DTNA: variants seen among roughly 807,000 people sequenced by gnomAD.
DTNA encodes the protein dystrobrevin alpha.
In DTNA, 43 loss-of-function variants were observed where a neutral mutation model predicts 100.7. That is an observed-to-expected ratio of 0.43 (90% CI 0.33 to 0.55). DTNA has a LOEUF of 0.55. Among genes scored for constraint, DTNA ranks in the 20% least tolerant of loss-of-function variants. DTNA has a pLI of 0.04. For missense variants in DTNA, 798 were observed against 953.9 expected (o/e 0.84, Z 2.15); for synonymous variants, 349 against 347.9 (o/e 1.00, Z -0.04).
intron 1 of DTNA, among the ~76,000 whole-genome samples, chr18:34,687,645 T>C (rs1281864279): frequency 6.6e-6 from 1 of 152,312 alleles, no homozygotes; most frequent in East Asian, 1.9e-4. Context: ...GTTCTGCAGA[T>C]GTCTGTTAGA....
intron 1 of DTNA, among the ~76,000 whole-genome samples, chr18:34,497,677 C>A (rs2039401760): frequency 6.6e-6 from 1 of 150,468 alleles, no homozygotes; most frequent in Non-Finnish European, 1.5e-5. Context: ...CTGATATTTC[C>A]ATTGTTTAAA....
chr18:34,817,316 G>A (rs79338927), intron 7 of DTNA, among the ~76,000 whole-genome samples: 48 of 152,252 alleles, frequency 3.2e-4, no homozygotes, highest in African/African-American at 1.1e-3. Flanking sequence ...TGACTGGTTA[G>A]GCCGGAGAAT....
chr18:34,737,997 T>G (rs2089958155), intron 1 of DTNA: 6 of 152,098 alleles, frequency 3.9e-5, no homozygotes, highest in Admixed American at 3.9e-4. Context: ...TTAGAGAAAT[T>G]CGGAAAAGCT....
chr18:34,660,949 C>G (rs1029867634), intron 1 of DTNA, among the ~76,000 whole-genome samples: 1 of 152,172 alleles, frequency 6.6e-6, no homozygotes, highest in Non-Finnish European at 1.5e-5. Flanking sequence ...GGCACATGTT[C>G]TCAGGAGACA....
chr18:34,619,585 G>T (rs2056045461), intron 1 of DTNA, among the ~76,000 whole-genome samples: 2 of 152,124 alleles, frequency 1.3e-5, no homozygotes, highest in African/African-American at 4.8e-5. Flanking sequence ...AGGAGGAAAA[G>T]ACATATCAAG....
At chr18:34,533,016 C>T (rs973106653) in intron 1 of DTNA, among the ~76,000 whole-genome samples, 5 of 151,742 alleles carry the variant, frequency 3.3e-5, no homozygotes, top group African/African-American at 7.3e-5. Flanking sequence ...CTTATGTTGG[C>T]GAAATAATTT....
intron 1 of DTNA, among the ~76,000 whole-genome samples, chr18:34,495,758 GT>G (rs2039124947): frequency 6.6e-6 from 1 of 152,136 alleles, no homozygotes; most frequent in Non-Finnish European, 1.5e-5. Flanking sequence ...TTTCTCATTA[GT>G]TCTAAGTTGA....
At chr18:34,794,553 G>A (rs1042276755) in intron 4 of DTNA, among the ~76,000 whole-genome samples, 1 of 152,162 alleles carries the variant, frequency 6.6e-6, no homozygotes, top group Non-Finnish European at 1.5e-5. Context: ...AGGATTGCCT[G>A]TGGTGCGATT....
Position 34,628,552 on chromosome 18 carries a change from A to T in DTNA, c.-1-127424A>T, listed in dbSNP as rs2849486. 2.1e-3 allele frequency among the ~76,000 whole-genome samples: 322 copies of T among 152,342 alleles called. 3 individuals carry two copies. The highest frequency in any genetic ancestry group is 7.4e-3 in the African/African-American group (309 of 41,588). On this transcript the variant is annotated intron_variant, in intron 1 of 19. Transcript: ENST00000283365. ...ATTGAGATTTTTTTCATTGATCCAGATAAATCTTGCTTGATGCCTTTTCAA... is the reference window on the plus strand; with the variant it reads ...ATTGAGATTTTTTTCATTGATCCAGTTAAATCTTGCTTGATGCCTTTTCAA...
Position 34,875,221 on chromosome 18 carries a change from C to A in DTNA, c.1744-18C>A. ...TTTTCTTGGGAAAGCAAATTAATGA[C>A]CTGCATTGTCTCTCCAGACTCAGGG... is the stretch of plus-strand genomic sequence containing the variant. On this transcript the variant is annotated intron_variant, in intron 17 of 22. Transcript: ENST00000444659. The A allele has an allele frequency of 6.2e-7, 1 of 1,612,308 alleles. No individual in the cohort carries two copies. The highest frequency in any genetic ancestry group is 8.5e-7 in the Non-Finnish European group (1 of 1,178,794).
chr18:34,695,018 A>T (rs61391478), intron 1 of DTNA, among the ~76,000 whole-genome samples: 3,702 of 152,226 alleles, frequency 0.024, 176 homozygotes, highest in African/African-American at 0.085. Flanking sequence ...TCCCTGGCAT[A>T]TTCCCACGGC....
intron 1 of DTNA, among the ~76,000 whole-genome samples, chr18:34,575,100 T>C (rs1177720394): frequency 6.6e-6 from 1 of 152,174 alleles, no homozygotes; most frequent in African/African-American, 2.4e-5. Context: ...CTGTGAAACA[T>C]TTCTTCTCTC....
At position 34,765,527 on chromosome 18, in the gene DTNA, A is replaced by T. The variant is rs185761176; in HGVS notation, c.68-434A>T. ...CTAAAAGCAATTGGCCTAAGGGCAC[A>T]CAGAGAAGATGCTCAGCAGTCAGTA... On this transcript the variant is annotated intron_variant, in intron 2 of 22. Transcript: ENST00000444659. 1.6e-4 allele frequency among the ~76,000 whole-genome samples: 25 copies of T among 152,344 alleles called. 1 individual carries two copies. Among genetic ancestry groups the T allele is most frequent in the African/African-American group, 5.5e-4 (23 of 41,580 alleles).
intron 1 of DTNA, among the ~76,000 whole-genome samples, chr18:34,522,947 A>G (rs2042284528): frequency 6.6e-6 from 1 of 152,250 alleles, no homozygotes; most frequent in Non-Finnish European, 1.5e-5. Context: ...ATTCTTGAAC[A>G]GAAAGGCTGA....
At chr18:34,828,917 C>CT (rs1178705203) in intron 10 of DTNA, 31 of 1,066,634 alleles carry the variant, frequency 2.9e-5, no homozygotes, top group Non-Finnish European at 4.5e-5. Flanking sequence ...GTCTGTGCAT[C>CT]TATCTAGGGA....
At chr18:34,722,570 T>C (rs1432466201) in intron 1 of DTNA, among the ~76,000 whole-genome samples, 1 of 151,450 alleles carries the variant, frequency 6.6e-6, no homozygotes, top group Non-Finnish European at 1.5e-5. Flanking sequence ...CTATTTAAAT[T>C]GTACAAATTA....
At chr18:34,595,684 T>G (rs958741823) in intron 1 of DTNA, among the ~76,000 whole-genome samples, 1 of 152,228 alleles carries the variant, frequency 6.6e-6, no homozygotes, top group African/African-American at 2.4e-5. Flanking sequence ...CTTGGTTGCT[T>G]GGATATCTTT....
chr18:34,589,485 T>C (rs1385218285), intron 1 of DTNA, among the ~76,000 whole-genome samples: 1 of 152,054 alleles, frequency 6.6e-6, no homozygotes, highest in Non-Finnish European at 1.5e-5. Flanking sequence ...GGTGGGCACC[T>C]GTAGTCCCAG....
intron 1 of DTNA, among the ~76,000 whole-genome samples, chr18:34,678,724 G>A (rs924979226): frequency 1.3e-5 from 2 of 152,062 alleles, no homozygotes; most frequent in Non-Finnish European, 2.9e-5. Context: ...CCAGCCATAG[G>A]GTCAGGGATC....
Sources: gnomAD v4.1 joint callset for allele counts (sites outside exome capture counted in the v4.1 genomes callset) on GRCh38, gnomAD v4.1.1 for gene constraint, MANE v1.5 for transcripts, NCBI Gene and HGNC (gene_info 2026-07-23, HGNC 2026-07-21) for gene names.